Variants in DRC11 observed in about 807,000 individuals in gnomAD.
DRC11 encodes the protein dynein regulatory complex subunit 11.
At chr2:236,481,791 T>C in the DRC11 span, among the ~76,000 whole-genome samples, 6 of 151,862 alleles carry the variant, frequency 4.0e-5, no homozygotes, top group Non-Finnish European at 5.9e-5. Flanking sequence ...TGTATATACT[T>C]AGTTGAAGTA....
At chr2:236,358,862 T>C in the DRC11 span, among the ~76,000 whole-genome samples, 114 of 149,074 alleles carry the variant, frequency 7.6e-4, no homozygotes, top group African/African-American at 2.6e-3. Context: ...AGCTGGCCTC[T>C]GGGGAAGCAT....
the DRC11 span, among the ~76,000 whole-genome samples, chr2:236,433,971 A>G: frequency 2.0e-5 from 3 of 152,252 alleles, no homozygotes; most frequent in African/African-American, 7.2e-5. Context: ...TCAAAAATGG[A>G]TGTTAAATTT....
the DRC11 span, among the ~76,000 whole-genome samples, chr2:236,316,145 TTCTC>T: frequency 0.06 from 8,835 of 146,074 alleles, 830 homozygotes; most frequent in African/African-American, 0.2. This position sits in a 1 kb window ranked among gnomAD's most constrained non-coding sequence, Gnocchi z 6.8. Context: ...ACTTATTTTC[TTCTC>T]TCTCTCTCTC....
At chr2:236,480,594 G>T in the DRC11 span, among the ~76,000 whole-genome samples, 1 of 152,056 alleles carries the variant, frequency 6.6e-6, no homozygotes, top group Admixed American at 6.6e-5. Flanking sequence ...CAATATCTTT[G>T]TTAAAAATTT....
the DRC11 span, among the ~76,000 whole-genome samples, chr2:236,392,767 G>A: frequency 6.6e-6 from 1 of 151,948 alleles, no homozygotes; most frequent in Non-Finnish European, 1.5e-5. The surrounding 1 kb of genome is among the most constrained non-coding windows in gnomAD (Gnocchi z 5.1). Flanking sequence ...AGATTTTGTT[G>A]CCTGTTGAAC....
chr2:236,358,194 AATAT>A, the DRC11 span, among the ~76,000 whole-genome samples: 21,471 of 125,320 alleles, frequency 0.17, 2,089 homozygotes, highest in Non-Finnish European at 0.22. Flanking sequence ...ATGAATATAT[AATAT>A]ATATACTATA....
the DRC11 span, among the ~76,000 whole-genome samples, chr2:236,439,848 A>G: frequency 6.6e-6 from 1 of 152,292 alleles, no homozygotes; most frequent in African/African-American, 2.4e-5. Context: ...AACGTTTTTA[A>G]TTTAATTTAA....
the DRC11 span, among the ~76,000 whole-genome samples, chr2:236,319,069 CTTTTTTGGGGCCCCAGG>C: frequency 1.3e-5 from 2 of 152,200 alleles, no homozygotes; most frequent in African/African-American, 4.8e-5. The surrounding 1 kb of genome is among the most constrained non-coding windows in gnomAD (Gnocchi z 6.7). Context: ...AGGGCCCCAG[CTTTTTTGGGGCCCCAGG>C]GGCTTCTCAC....
At chr2:236,496,131 T>C in the DRC11 span, among the ~76,000 whole-genome samples, 3,165 of 152,306 alleles carry the variant, frequency 0.021, 115 homozygotes, top group African/African-American at 0.072. The surrounding 1 kb of genome is among the most constrained non-coding windows in gnomAD (Gnocchi z 6.3). Flanking sequence ...GTTCATATTG[T>C]CACTTTAGTG....
At chr2:236,450,554 G>A in the DRC11 span, among the ~76,000 whole-genome samples, 1 of 151,914 alleles carries the variant, frequency 6.6e-6, no homozygotes, top group Non-Finnish European at 1.5e-5. Flanking sequence ...TCTTGACCTC[G>A]TGACTCACCC....
the DRC11 span, among the ~76,000 whole-genome samples, chr2:236,365,541 G>A: frequency 9.0e-4 from 137 of 152,244 alleles, 1 homozygote; most frequent in African/African-American, 3.1e-3. This position sits in a 1 kb window ranked among gnomAD's most constrained non-coding sequence, Gnocchi z 7.4. Context: ...CCAGGGGGCC[G>A]GGAGAGGTTT....
the DRC11 span, among the ~76,000 whole-genome samples, chr2:236,452,323 A>C: frequency 1.3e-4 from 20 of 151,786 alleles, no homozygotes; most frequent in Non-Finnish European, 2.5e-4. This position sits in a 1 kb window ranked among gnomAD's most constrained non-coding sequence, Gnocchi z 4.7. Context: ...TCCAACACTG[A>C]GCTTCAACGG....
chr2:236,480,684 T>G, the DRC11 span, among the ~76,000 whole-genome samples: 39 of 152,368 alleles, frequency 2.6e-4, 1 homozygote, highest in East Asian at 7.3e-3. Flanking sequence ...TTGGAATTAT[T>G]GATCTGATGG....
At chr2:236,384,269 A>G in the DRC11 span, among the ~76,000 whole-genome samples, 1 of 152,032 alleles carries the variant, frequency 6.6e-6, no homozygotes, top group Admixed American at 6.5e-5. Context: ...GAACTAGTTT[A>G]CAGTCCCACC....
the DRC11 span, chr2:236,399,350 C>G: frequency 7.7e-7 from 1 of 1,300,148 alleles, no homozygotes; most frequent in Non-Finnish European, 1.1e-6. The surrounding 1 kb of genome is among the most constrained non-coding windows in gnomAD (Gnocchi z 7.0). Flanking sequence ...CAGCAGCCTC[C>G]CGTGATGGGG....
the DRC11 span, among the ~76,000 whole-genome samples, chr2:236,321,853 G>C: frequency 6.6e-6 from 1 of 152,158 alleles, no homozygotes; most frequent in Non-Finnish European, 1.5e-5. Context: ...CAGAGGGTGG[G>C]GGGGAAGTCT....
At chr2:236,357,056 A>ATATATTCGTATATTATATATCTATATAT in the DRC11 span, among the ~76,000 whole-genome samples, 37 of 69,166 alleles carry the variant, frequency 5.3e-4, 3 homozygotes, top group African/African-American at 2.6e-3. Context: ...TTATATATCT[A>ATATATTCGTATATTATATATCTATATAT]TTTATATATT....
At chr2:236,357,974 A>G in the DRC11 span, among the ~76,000 whole-genome samples, 5 of 116,350 alleles carry the variant, frequency 4.3e-5, no homozygotes, top group Non-Finnish European at 8.1e-5. Context: ...ATATGAATAT[A>G]TACTCATATA....
the DRC11 span, among the ~76,000 whole-genome samples, chr2:236,411,078 G>A: frequency 7.0e-6 from 1 of 143,168 alleles, no homozygotes; most frequent in Non-Finnish European, 1.5e-5. Flanking sequence ...CTTCTGCACA[G>A]CAAAAGAAAC....
Sources: gnomAD v4.1 joint callset for allele counts (sites outside exome capture counted in the v4.1 genomes callset) on GRCh38, gnomAD v4.1.1 for gene constraint, Gnocchi (gnomAD v3.1) non-coding constraint, MANE v1.5 for transcripts, NCBI Gene and HGNC (gene_info 2026-07-23, HGNC 2026-07-21) for gene names.